The following SYTL2 variants were observed in gnomAD, a reference collection of about 807,000 sequenced individuals.
SYTL2 encodes synaptotagmin like 2, also known as synaptotagmin-like protein 2.
Under a neutral mutation model 198.7 loss-of-function variants are expected in SYTL2, and 165 were observed. That is an observed-to-expected ratio of 0.83 (90% CI 0.73 to 0.94). The LOEUF (loss-of-function observed/expected upper bound fraction) is 0.94, where lower values mean the gene tolerates loss of function less well. SYTL2 is among the 40% of genes least tolerant of loss of function. The probability of loss-of-function intolerance (pLI) is 0.00; values close to 1 mark genes in which losing one functional copy is unlikely to be tolerated. For missense variants in SYTL2, 2,835 were observed against 2,582.8 expected (o/e 1.10, Z -2.12); for synonymous variants, 966 against 917.7 (o/e 1.05, Z -0.95).
At chr11:85,766,147 G>A (rs748959274) in intron 1 of SYTL2, among the ~76,000 whole-genome samples, 1 of 152,156 alleles carries the variant, frequency 6.6e-6, no homozygotes, top group African/African-American at 2.4e-5. Flanking sequence ...GGCTGGTAAC[G>A]GGAGTACAGG....
At chr11:85,838,124 CTTTAGT>C in the SYTL2 span, among the ~76,000 whole-genome samples, 5 of 152,154 alleles carry the variant, frequency 3.3e-5, no homozygotes, top group Non-Finnish European at 7.3e-5. Context: ...ACTGTTAAGC[CTTTAGT>C]GGTTCTGGGT....
At chr11:85,783,908 C>T (rs190145140) in intron 1 of SYTL2, among the ~76,000 whole-genome samples, 8 of 152,292 alleles carry the variant, frequency 5.3e-5, no homozygotes, top group Admixed American at 1.3e-4. Context: ...ATGATCCCTG[C>T]ACACTCTGTG....
In SYTL2 at chr11:85,725,640, TGGTTCCAGTGATAACAGGC is replaced by T. The variant is rs1408228086; in HGVS notation, c.3699_3717del (p.Pro1234ThrfsTer14). The T allele has an allele frequency of 6.2e-7, 1 of 1,614,156 alleles. No individual in the cohort carries two copies. Among genetic ancestry groups the T allele is most frequent in the Non-Finnish European group, 8.5e-7 (1 of 1,180,022 alleles). On this transcript the variant is annotated frameshift_variant, in exon 8 of 20. Transcript: ENST00000359152. LOFTEE classifies it high-confidence loss of function. The stretch of plus-strand genomic sequence containing the variant: ...AATCTCCCCTCTTCCAGCTTAGAGT[TGGTTCCAGTGATAACAGGC>T]GCCAACTTGGCTTGCAAGGGAGAGG...
chr11:85,833,179 G>C, the SYTL2 span, among the ~76,000 whole-genome samples: 2,315 of 139,060 alleles, frequency 0.017, 149 homozygotes, highest in African/African-American at 0.058. Flanking sequence ...AAGAAAGAAA[G>C]AAACAAAGAA....
At chr11:85,795,704 T>C (rs928799547) in intron 1 of SYTL2, among the ~76,000 whole-genome samples, 1 of 152,212 alleles carries the variant, frequency 6.6e-6, no homozygotes, top group Non-Finnish European at 1.5e-5. Flanking sequence ...ATAAAAATTT[T>C]CACCTTTTTA....
In SYTL2 at chr11:85,724,277, C is replaced by T. The variant is rs767942253; in HGVS notation, c.5081G>A (p.Gly1694Glu). 8 of 1,561,940 alleles carry T rather than the reference C, an allele frequency of 5.1e-6. No homozygotes were observed. The highest frequency in any genetic ancestry group is 4.1e-5 in the African/African-American group (3 of 72,596). ...DRDSESGVAGGQGTLQEPGFG... is the reference protein window; with the variant it reads ...DRDSESGVAGEQGTLQEPGFG... ...GCCAGGTTCCTGAAGAGTCCCTTGTCCCCCTGCAACCCCACTTTCACTGTC... is the reference window on the plus strand; with the variant it reads ...GCCAGGTTCCTGAAGAGTCCCTTGTTCCCCTGCAACCCCACTTTCACTGTC... Residue 1694 changes from glycine (G) to glutamate (E), a missense_variant, in exon 8 of 20, where the codon GGA becomes GAA. Physicochemically the swap from Gly to Glu is moderately conservative, Grantham distance 98. Transcript: ENST00000359152.
At chr11:85,759,728 C>T (rs1230810042) in intron 1 of SYTL2, among the ~76,000 whole-genome samples, 2 of 151,976 alleles carry the variant, frequency 1.3e-5, no homozygotes, top group South Asian at 4.2e-4. Context: ...TCTCTGCATA[C>T]TGTCCACAGT....
Position 85,724,045 on chromosome 11 carries a change from C to T in SYTL2, c.5313G>A (p.Trp1771Ter). 1 of 1,488,942 alleles carries T rather than the reference C, an allele frequency of 6.7e-7. No individual in the cohort carries two copies. The highest frequency in any genetic ancestry group is 8.9e-7 in the Non-Finnish European group (1 of 1,125,672). 92.2% of individuals were successfully genotyped at this position (1,488,942 alleles called of 1,614,324 possible). ...DGNTSSNAES[W>*]RNPSSSEEEP... ...TTAAATGCTCACTGGAAGGATTTCT[C>T]CAGCTCTCTGCATTAGAACTGGTGT... Residue 1771 changes from tryptophan to a stop codon, truncating the protein, a stop_gained, in exon 8 of 20, where the codon TGG (tryptophan) becomes TGA (stop). Coordinates refer to ENST00000359152, the MANE Select transcript of SYTL2 (RefSeq NM_206927.4). LOFTEE classifies it high-confidence loss of function.
At chr11:85,762,970 A>G (rs1214105295) in intron 1 of SYTL2, among the ~76,000 whole-genome samples, 1 of 152,112 alleles carries the variant, frequency 6.6e-6, no homozygotes, top group Non-Finnish European at 1.5e-5. Flanking sequence ...AATGATGAAC[A>G]CAGGTGGAAG....
intron 2 of SYTL2, among the ~76,000 whole-genome samples, chr11:85,750,734 CAAG>C (rs1206946800): frequency 6.6e-6 from 1 of 151,892 alleles, no homozygotes; most frequent in African/African-American, 2.4e-5. Context: ...GGCAAGAGAT[CAAG>C]AAGATCCTGT....
At chr11:85,761,069 T>G (rs1034135843) in intron 1 of SYTL2, among the ~76,000 whole-genome samples, 28 of 152,226 alleles carry the variant, frequency 1.8e-4, no homozygotes, top group Non-Finnish European at 3.4e-4. Context: ...CTGGCACTAT[T>G]CTAAGCACTG....
At chr11:85,697,541 T>C (rs2083578013) in intron 18 of SYTL2, among the ~76,000 whole-genome samples, 1 of 152,346 alleles carries the variant, frequency 6.6e-6, no homozygotes, top group East Asian at 1.9e-4. Context: ...AAGGGTTGAT[T>C]AGCAAATCAT....
At chr11:85,817,292 T>A in the SYTL2 span, among the ~76,000 whole-genome samples, 1 of 152,212 alleles carries the variant, frequency 6.6e-6, no homozygotes, top group Non-Finnish European at 1.5e-5. Flanking sequence ...CTGAGTTATA[T>A]GAGGGTAGTT....
intron 1 of SYTL2, among the ~76,000 whole-genome samples, chr11:85,792,292 C>T (rs12792050): frequency 0.33 from 50,728 of 151,730 alleles, 8,853 homozygotes; most frequent in Admixed American, 0.4. Flanking sequence ...CCCACCCTAA[C>T]GGGGTAGTTA....
chr11:85,755,717 T>C (rs916235103), intron 2 of SYTL2, among the ~76,000 whole-genome samples: 2 of 151,966 alleles, frequency 1.3e-5, no homozygotes, highest in Admixed American at 6.5e-5. Flanking sequence ...GACAGAATCA[T>C]AGAACTACAG....
intron 1 of SYTL2, among the ~76,000 whole-genome samples, chr11:85,773,535 C>T (rs1275627943): frequency 1.3e-5 from 2 of 152,076 alleles, no homozygotes; most frequent in South Asian, 2.1e-4. Flanking sequence ...TCACAGGACT[C>T]GGCATTATAT....
intron 1 of SYTL2, among the ~76,000 whole-genome samples, chr11:85,799,794 T>C (rs2153644954): frequency 6.6e-6 from 1 of 152,290 alleles, no homozygotes; most frequent in Admixed American, 6.5e-5. Flanking sequence ...AACATCACAC[T>C]GAGTGGTAAT....
At chr11:85,798,869 G>A (rs1050927543) in intron 1 of SYTL2, among the ~76,000 whole-genome samples, 4 of 152,196 alleles carry the variant, frequency 2.6e-5, no homozygotes, top group African/African-American at 9.6e-5. Context: ...AAAAGCAGGT[G>A]CTCGGCATAA....
At chr11:85,740,714 C>CA (rs34656570) in intron 4 of SYTL2, among the ~76,000 whole-genome samples, 3 of 152,044 alleles carry the variant, frequency 2.0e-5, no homozygotes, top group Non-Finnish European at 2.9e-5. Flanking sequence ...AGGCACTCTT[C>CA]AAAAAAGGAA....
Sources: allele counts gnomAD v4.1 joint callset (sites outside exome capture counted in the v4.1 genomes callset), GRCh38; gene constraint gnomAD v4.1.1; transcripts MANE v1.5; gene names NCBI Gene and HGNC (gene_info 2026-07-23, HGNC 2026-07-21).